The following EIF4G1 variants were observed in gnomAD, a reference collection of about 807,000 sequenced individuals.
EIF4G1 encodes the protein EIF4-gamma.
Under a neutral mutation model 187.8 loss-of-function variants are expected in EIF4G1, and 4 were observed. The observed-to-expected ratio is 0.02, with a 90% confidence interval of 0.01 to 0.05. The LOEUF (loss-of-function observed/expected upper bound fraction) is 0.05, where lower values mean the gene tolerates loss of function less well. Ranked by LOEUF, EIF4G1 falls within the 10% of genes least tolerant of loss-of-function variation. The probability of loss-of-function intolerance (pLI) is 1.00; values close to 1 mark genes in which losing one functional copy is unlikely to be tolerated. For missense variants in EIF4G1, 1,647 were observed against 2,081.1 expected (o/e 0.79, Z 4.06); for synonymous variants, 844 against 781.4 (o/e 1.08, Z -1.34).
chr3:184,317,420 G>A lies in EIF4G1; in HGVS notation c.247G>A (p.Ala83Thr). The change falls in exon 5 of 33, where the codon GCT (alanine) becomes ACT (threonine). Residue 83 changes from alanine (A) to threonine (T), a missense_variant. By Grantham distance (58) the Ala-to-Thr change is moderately conservative. Transcript: ENST00000346169. ...TGGCCCAGCTGCCCATGTCTACCCT[G>A]CTGGATCCCAAGTAATGATGATCCC... ...RPGPAAHVYP[A>T]GSQVMMIPSQ... 8 of 1,614,074 alleles carry A rather than the reference G, an allele frequency of 5.0e-6. No individual in the cohort carries two copies. Among genetic ancestry groups the A allele is most frequent in the Non-Finnish European group, 6.8e-6 (8 of 1,180,008 alleles).
Position 184,326,861 on chromosome 3 carries a change from C to A in EIF4G1, c.3326-20C>A. 1 of 1,613,570 alleles carries A rather than the reference C, an allele frequency of 6.2e-7. No individual in the cohort carries two copies. Among genetic ancestry groups the A allele is most frequent in the South Asian group, 1.1e-5 (1 of 91,070 alleles). ...AGGAAAGGAGAAAAAGATTTTAATA[C>A]GGATTTTCTGCATCCCCAGCATCAG... On this transcript the variant is annotated intron_variant, in intron 22 of 32. Coordinates refer to ENST00000346169, the MANE Select transcript of EIF4G1 (RefSeq NM_198241.3).
chr3:184,315,824 C>A lies in EIF4G1; in HGVS notation c.28C>A (p.Pro10Thr). MNKAPQSTGPPPAPSPGLPQ... is the reference protein window; with the variant it reads MNKAPQSTGTPPAPSPGLPQ... Reference sequence around the variant, plus strand: ...GAACAAAGCTCCACAGTCCACAGGCCCCCCACCCGCCCCATCCCCCGGACT... The same window carrying A: ...GAACAAAGCTCCACAGTCCACAGGCACCCCACCCGCCCCATCCCCCGGACT... The change falls in exon 3 of 33, where the codon CCC (proline) becomes ACC (threonine). Residue 10 changes from proline to threonine, a missense_variant. Pro to Thr is a conservative substitution (Grantham distance 38). This residue lies in a region of EIF4G1 where 61 missense variants were observed against 49.5 expected (regional missense o/e 1.23). Coordinates refer to ENST00000346169, the MANE Select transcript of EIF4G1 (RefSeq NM_198241.3). 2 of 1,550,336 alleles carry A rather than the reference C, an allele frequency of 1.3e-6. No homozygotes were observed. The highest frequency in any genetic ancestry group is 1.7e-6 in the Non-Finnish European group (2 of 1,145,968).
chr3:184,317,389 C>T lies in EIF4G1; in HGVS notation c.216C>T (p.Ala72=), dbSNP rs910334705. Residue 72 remains alanine, a synonymous_variant, in exon 5 of 33, where the codon GCC becomes GCT. Transcript: ENST00000346169. ...CCCGAGTGCAGAGTGCAGCCCCTGC[C>T]CGCCCTGGCCCAGCTGCCCATGTCT... The part of the protein sequence containing the change: ...AASRVQSAAP[A]RPGPAAHVYP... 3.7e-6 allele frequency: 6 copies of T among 1,613,996 alleles called. No individual in the cohort carries two copies. In the African/African-American group the frequency reaches 8.0e-5, roughly 22 times the overall value.
At chr3:184,317,945 G>C (rs1171457339) in intron 6 of EIF4G1, 129 bp downstream of exon 6, 1 of 724,454 alleles carries the variant, frequency 1.4e-6, no homozygotes, top group Non-Finnish European at 2.4e-6. Flanking sequence ...GTTAATAGGT[G>C]GTAGGGATTG....
Position 184,328,765 on chromosome 3 carries a change from C to T in EIF4G1, c.4079+9C>T, listed in dbSNP as rs1472626089. ...ATGGGGGAGCTGTTCAGGTAAGTCC[C>T]CCTGGGTGGAATTCAGGGGAGGTAA... is the stretch of plus-strand genomic sequence containing the variant. On this transcript the variant is annotated intron_variant, in intron 27 of 32. Coordinates refer to ENST00000346169, the MANE Select transcript of EIF4G1 (RefSeq NM_198241.3). The T allele has an allele frequency of 6.2e-7, 1 of 1,614,068 alleles. No homozygotes were observed. Among genetic ancestry groups the T allele is most frequent in the Non-Finnish European group, 8.5e-7 (1 of 1,180,004 alleles).
At chr3:184,319,220 T>G (rs1723341417) in intron 6 of EIF4G1, 1 of 165,242 alleles carries the variant, frequency 6.1e-6, no homozygotes, top group Admixed American at 5.9e-5. Flanking sequence ...AGACAGGAAC[T>G]AGACTCAAGT....
chr3:184,331,642 G>A (rs759168683), intron 30 of EIF4G1, 36 bp downstream of exon 30: 1 of 777,124 alleles, frequency 1.3e-6, no homozygotes. Context: ...AGGAAAGGTA[G>A]TTCTTAGGGT....
chr3:184,321,639 C>T lies in EIF4G1; in HGVS notation c.1055C>T (p.Ala352Val), dbSNP rs1723917147. The T allele has an allele frequency of 1.2e-6, 2 of 1,610,560 alleles. No homozygotes were observed. Among genetic ancestry groups the T allele is most frequent in the African/African-American group, 2.7e-5 (2 of 74,734 alleles). The change falls in exon 10 of 33, where the codon GCA becomes GTA. Residue 352 changes from alanine (A) to valine (V), a missense_variant. Around this residue, in one of 11 missense-constraint regions of EIF4G1, gnomAD observed 522 missense variants for 485.2 expected, o/e 1.08. Transcript: ENST00000346169. ...SSPLQAPTPL[A>V]SHTVEIHEPN... Reference sequence around the variant, plus strand: ...CCTCTCCAGGCTCCCACCCCTTTGGCATCTCACACAGTGGAAATTCATGAG... The same window carrying T: ...CCTCTCCAGGCTCCCACCCCTTTGGTATCTCACACAGTGGAAATTCATGAG...
chr3:184,321,989 G>A lies in EIF4G1; in HGVS notation c.1405G>A (p.Gly469Arg). ...EEEEEEEGEA[G>R]EAGEAESEKG... ...AGAAGAAGAGGAAGAAGGAGAAGCAGGAGAAGCAGGAGAAGCTGAGAGTGA... is the reference window on the plus strand; with the variant it reads ...AGAAGAAGAGGAAGAAGGAGAAGCAAGAGAAGCAGGAGAAGCTGAGAGTGA... The change falls in exon 10 of 33, where the codon GGA becomes AGA. Residue 469 changes from glycine (G) to arginine (R), a missense_variant. Physicochemically the swap from Gly to Arg is moderately radical, Grantham distance 125. This residue lies in a region of EIF4G1 where 522 missense variants were observed against 485.2 expected (regional missense o/e 1.08). Coordinates refer to ENST00000346169, the MANE Select transcript of EIF4G1 (RefSeq NM_198241.3). 1 of 1,613,964 alleles carries A rather than the reference G, an allele frequency of 6.2e-7. No individual in the cohort carries two copies. Among genetic ancestry groups the A allele is most frequent in the Non-Finnish European group, 8.5e-7 (1 of 1,179,846 alleles).
At position 184,315,819 on chromosome 3, in the gene EIF4G1, C is replaced by A. The variant is rs1178152647; in HGVS notation, c.23C>A (p.Thr8Lys). 1.9e-6 allele frequency: 3 copies of A among 1,551,394 alleles called. No homozygotes were observed. Among genetic ancestry groups the A allele is most frequent in the Non-Finnish European group, 2.6e-6 (3 of 1,146,886 alleles). Residue 8 changes from threonine to lysine, a missense_variant, in exon 3 of 33, where the codon ACA (threonine) becomes AAA (lysine). Physicochemically the swap from Thr to Lys is moderately conservative, Grantham distance 78. Coordinates refer to ENST00000346169, the MANE Select transcript of EIF4G1 (RefSeq NM_198241.3). Reference sequence around the variant, plus strand: ...GAAATGAACAAAGCTCCACAGTCCACAGGCCCCCCACCCGCCCCATCCCCC... The same window carrying A: ...GAAATGAACAAAGCTCCACAGTCCAAAGGCCCCCCACCCGCCCCATCCCCC... MNKAPQS[T>K]GPPPAPSPGL...
intron 28 of EIF4G1, 79 bp downstream of exon 28, chr3:184,329,069 T>C: frequency 6.6e-7 from 1 of 1,518,622 alleles, no homozygotes. Flanking sequence ...AGCTTCATGG[T>C]CCATTGGTGG....
At chr3:184,324,821 G>A in intron 17 of EIF4G1, 57 bp from the exon 18 acceptor site, 1 of 1,586,712 alleles carries the variant, frequency 6.3e-7, no homozygotes, top group Non-Finnish European at 8.6e-7. Context: ...GTAGAAAAGG[G>A]TTTTAGCCGA....
intron 28 of EIF4G1, among the ~76,000 whole-genome samples, chr3:184,329,646 T>C (rs905369134): frequency 3.3e-5 from 5 of 152,010 alleles, no homozygotes; most frequent in African/African-American, 1.2e-4. Context: ...AAAAAAGAAA[T>C]GACAGCTTGA....
chr3:184,316,009 C>T, intron 3 of EIF4G1, 123 bp from the exon 4 acceptor site: 5 of 1,535,714 alleles, frequency 3.3e-6, no homozygotes, highest in South Asian at 2.4e-5. Flanking sequence ...GGGGCTGTCA[C>T]GGGGAGGGGG....
At chr3:184,314,698 G>A (rs1430293447) in intron 1 of EIF4G1, 24 bp downstream of exon 1, 3 of 149,566 alleles carry the variant, frequency 2.0e-5, no homozygotes, top group Non-Finnish European at 4.5e-5. Context: ...GTCCGGGCCC[G>A]ACCCGGCCCC....
Position 184,327,661 on chromosome 3 carries a change from C to G in EIF4G1, c.3737C>G (p.Ser1246Cys). 1 of 1,614,200 alleles carries G rather than the reference C, an allele frequency of 6.2e-7. No homozygotes were observed. The highest frequency in any genetic ancestry group is 8.5e-7 in the Non-Finnish European group (1 of 1,180,026). ...ALSEEELEKKSKAIIEEYLHL... is the reference protein window; with the variant it reads ...ALSEEELEKKCKAIIEEYLHL... ...TCTGAGGAGGAGTTAGAGAAGAAAT[C>G]CAAGGCTATCATTGAGGAATATCTC... The change falls in exon 25 of 33, where the codon TCC (serine) becomes TGC (cysteine). Residue 1246 changes from serine (S) to cysteine (C), a missense_variant. Ser to Cys is a moderately radical substitution (Grantham distance 112, BLOSUM62 -1). Coordinates refer to ENST00000346169, the MANE Select transcript of EIF4G1 (RefSeq NM_198241.3).
In EIF4G1 at chr3:184,334,912, C is replaced by T; in HGVS notation, c.*4C>T. On this transcript the variant is annotated 3_prime_UTR_variant, in exon 33 of 33. Transcript: ENST00000346169. The surrounding 1 kb of genome is among the most constrained non-coding windows in gnomAD (Gnocchi z 5.8). ...GGAGGAGTCTGACCACAACTGAGGG[C>T]TGGTGGGGCCGGGGACCTGGAGCCC... 3 of 1,613,924 alleles carry T rather than the reference C, an allele frequency of 1.9e-6. No homozygotes were observed. The highest frequency in any genetic ancestry group is 2.5e-6 in the Non-Finnish European group (3 of 1,179,976).
intron 4 of EIF4G1, chr3:184,316,860 T>C (rs1180772747): frequency 6.9e-6 from 7 of 1,012,086 alleles, no homozygotes; most frequent in South Asian, 1.4e-5. Flanking sequence ...AGGTTCTCAG[T>C]TGGAGGCCGA....
At position 184,322,267 on chromosome 3, in the gene EIF4G1, AC is replaced by A. The variant is rs1298633663; in HGVS notation, c.1520-94del. ...AAAAAGGGTGATGCAAAGGGGAAAT[AC>A]TGTTCTTTGGCTGCTTTCTATTTCC... On this transcript the variant is annotated intron_variant, in intron 10 of 32. Transcript: ENST00000346169. 3.9e-6 allele frequency: 6 copies of A among 1,526,180 alleles called. No individual in the cohort carries two copies. In the African/African-American group the frequency reaches 8.3e-5, roughly 21 times the overall value. 94.5% of individuals were successfully genotyped at this position (1,526,180 alleles called of 1,614,324 possible). A position where few individuals can be genotyped will look rare whatever the true frequency, so the allele number is the denominator to read the frequency against.
Sources: allele counts gnomAD v4.1 joint callset (sites outside exome capture counted in the v4.1 genomes callset), GRCh38; gene constraint gnomAD v4.1.1; regional missense constraint gnomAD v4.1.1; non-coding constraint Gnocchi (gnomAD v3.1); transcripts MANE v1.5; gene names NCBI Gene and HGNC (gene_info 2026-07-23, HGNC 2026-07-21).